ESF1: variants seen among roughly 807,000 people sequenced by gnomAD.
The protein encoded by ESF1 is ESF1 nucleolar pre-rRNA processing protein, also known as ESF1 homolog.
Under a neutral mutation model 92.0 loss-of-function variants are expected in ESF1, and 58 were observed. The observed-to-expected ratio is 0.63, with a 90% CI of 0.51 to 0.78. ESF1 has a LOEUF of 0.78. Ranked by LOEUF, ESF1 falls within the 30% of genes least tolerant of loss-of-function variation. The pLI, the probability that ESF1 is intolerant of heterozygous loss-of-function variation, is 0.00. For missense variants in ESF1, 922 were observed against 989.1 expected (o/e 0.93, Z 0.91); for synonymous variants, 321 against 313.7 (o/e 1.02, Z -0.24).
At position 13,782,538 on chromosome 20, in the gene ESF1, G is replaced by T; in HGVS notation, c.603C>A (p.Ile201=). 1.3e-6 allele frequency: 2 copies of T among 1,555,616 alleles called. No individual in the cohort carries two copies. Among genetic ancestry groups the T allele is most frequent in the South Asian group, 2.5e-5 (2 of 78,926 alleles). ...GTSEIVKSPR[I]ECSKTRREMQ... ...TTTCTCTTCTTGTCTTAGAACACTC[G>T]ATTCTGGGAGATTTCACAATTTCAG... Residue 201 remains isoleucine, a synonymous_variant, in exon 2 of 14, where the codon ATC becomes ATA. Transcript: ENST00000617257.
chr20:13,748,226 G>C (rs1429831169), intron 9 of ESF1, among the ~76,000 whole-genome samples: 1 of 151,944 alleles, frequency 6.6e-6, no homozygotes, highest in Non-Finnish European at 1.5e-5. Flanking sequence ...CAGTTCTTCT[G>C]TCTCCTAGTT....
chr20:13,746,536 G>T (rs1207230468), intron 9 of ESF1, among the ~76,000 whole-genome samples: 3 of 152,076 alleles, frequency 2.0e-5, no homozygotes, highest in Non-Finnish European at 4.4e-5. Context: ...AACTGTTAAT[G>T]CTATCCCAAA....
At chr20:13,757,399 T>C (rs894889386) in intron 9 of ESF1, among the ~76,000 whole-genome samples, 9 of 152,124 alleles carry the variant, frequency 5.9e-5, no homozygotes, top group African/African-American at 1.9e-4. Context: ...TACTATGTTT[T>C]GTTTGTTTGT....
At position 13,771,461 on chromosome 20, in the gene ESF1, C is replaced by A. The variant is rs754370545; in HGVS notation, c.1273G>T (p.Asp425Tyr). The A allele has an allele frequency of 2.5e-6, 4 of 1,612,814 alleles. No individual in the cohort carries two copies. Among genetic ancestry groups the A allele is most frequent in the Non-Finnish European group, 3.4e-6 (4 of 1,179,336 alleles). The change falls in exon 6 of 14, where the codon GAT (aspartate) becomes TAT (tyrosine). Residue 425 changes from aspartate to tyrosine, a missense_variant. By Grantham distance (160) the Asp-to-Tyr change is radical (BLOSUM62 -3). Coordinates refer to ENST00000617257, the MANE Select transcript of ESF1 (RefSeq NM_001276380.2). ...TACTTCAGTCGTTTGAATTGATAAT[C>A]TCTCAATTTTTCTCTAGACGTCCTA... ...KDWTSREKLR[D>Y]YQFKRLKYYY...
At chr20:13,718,148 C>T (rs913171519) in intron 12 of ESF1, among the ~76,000 whole-genome samples, 8 of 152,178 alleles carry the variant, frequency 5.3e-5, no homozygotes, top group Non-Finnish European at 1.2e-4. Context: ...ACAGAGTATG[C>T]TCTCGACCTT....
rs368606208 is a variant in ESF1, at chr20:13,775,291, A to T, written c.1036-21T>A. On this transcript the variant is annotated intron_variant, in intron 3 of 13. Coordinates refer to ENST00000617257, the MANE Select transcript of ESF1 (RefSeq NM_001276380.2). Reference sequence around the variant, plus strand: ...GTAATCTGAGAAATGAGAAGAATTAAATAGTACATAATCCATATCATTCTC... The same window carrying T: ...GTAATCTGAGAAATGAGAAGAATTATATAGTACATAATCCATATCATTCTC... 9.3e-6 allele frequency: 13 copies of T among 1,393,562 alleles called. No homozygotes were observed. The African/African-American group carries it at 1.9e-4, about 20-fold the overall frequency. 86.3% of individuals were successfully genotyped at this position (1,393,562 alleles called of 1,614,324 possible). A position where few individuals can be genotyped will look rare whatever the true frequency, so the allele number is the denominator to read the frequency against.
chr20:13,770,878 T>G (rs1487968705), intron 6 of ESF1, among the ~76,000 whole-genome samples: 1 of 152,230 alleles, frequency 6.6e-6, no homozygotes, highest in South Asian at 2.1e-4. Context: ...GAACAATTAT[T>G]TGAAATATGA....
intron 11 of ESF1, among the ~76,000 whole-genome samples, chr20:13,728,127 T>A: frequency 6.6e-6 from 1 of 152,126 alleles, no homozygotes; most frequent in East Asian, 1.9e-4. Context: ...CAGAAAGGAA[T>A]CCCCAGTAAA....
chr20:13,741,703 CT>C (rs2147741079), intron 9 of ESF1, among the ~76,000 whole-genome samples: 1 of 152,266 alleles, frequency 6.6e-6, no homozygotes, highest in African/African-American at 2.4e-5. Context: ...AGGGAACATT[CT>C]TCTCATCTGG....
At chr20:13,784,614 A>C (rs1358205076) in intron 1 of ESF1, among the ~76,000 whole-genome samples, 1 of 152,114 alleles carries the variant, frequency 6.6e-6, no homozygotes, top group Non-Finnish European at 1.5e-5. Context: ...AATTCGGAGA[A>C]CACAGGGCTG....
In ESF1 at chr20:13,717,391, C is replaced by G; in HGVS notation, c.2239G>C (p.Glu747Gln). 6.2e-7 allele frequency: 1 copy of G among 1,614,116 alleles called. No individual in the cohort carries two copies. The highest frequency in any genetic ancestry group is 1.1e-5 in the South Asian group (1 of 91,070). Residue 747 changes from glutamate (E) to glutamine (Q), a missense_variant, in exon 13 of 14, where the codon GAA (glutamate) becomes CAA (glutamine). Glu to Gln is a conservative substitution (Grantham distance 29, BLOSUM62 2). Transcript: ENST00000617257. ...KKKKQLMKKK[E>Q]LIEDDFEVNV... Reference sequence around the variant, plus strand: ...ACCTCAAAGTCATCCTCTATTAATTCCTTCTTTTTCATGAGCTGCTTTTTC... The same window carrying G: ...ACCTCAAAGTCATCCTCTATTAATTGCTTCTTTTTCATGAGCTGCTTTTTC...
At chr20:13,756,136 C>T (rs924150239) in intron 9 of ESF1, among the ~76,000 whole-genome samples, 1 of 152,126 alleles carries the variant, frequency 6.6e-6, no homozygotes, top group African/African-American at 2.4e-5. Flanking sequence ...TAGTTTATAA[C>T]GTTTGTAAGT....
intron 11 of ESF1, among the ~76,000 whole-genome samples, chr20:13,720,813 A>C (rs932550783): frequency 2.0e-5 from 3 of 152,236 alleles, no homozygotes; most frequent in Non-Finnish European, 4.4e-5. Context: ...TCAATGTATA[A>C]ATTTTCATAA....
In ESF1 at chr20:13,722,650, G is replaced by C. The variant is rs527292764; in HGVS notation, c.2039-3666C>G. 1.3e-3 allele frequency among the ~76,000 whole-genome samples: 190 copies of C among 151,978 alleles called. 2 individuals carry two copies. The highest frequency in any genetic ancestry group is 0.01 in the Middle Eastern group (3 of 294). ...AGATTGCTTGAAGCCAGGAGTTTGA[G>C]ACCAGCCTGAGCAACAAAGCAAGAC... On this transcript the variant is annotated intron_variant, in intron 11 of 13. Transcript: ENST00000617257.
chr20:13,734,832 G>C (rs2049966016), intron 9 of ESF1, among the ~76,000 whole-genome samples: 1 of 152,042 alleles, frequency 6.6e-6, no homozygotes, highest in Non-Finnish European at 1.5e-5. Flanking sequence ...TTCTAAGAAA[G>C]TAGAAACGAT....
chr20:13,772,643 A>G (rs955420676), intron 4 of ESF1, 28 bp from the exon 5 acceptor site: 16 of 1,472,182 alleles, frequency 1.1e-5, no homozygotes, highest in Non-Finnish European at 1.3e-5. Flanking sequence ...GGATCAATGT[A>G]ATTTGTACAT....
intron 9 of ESF1, among the ~76,000 whole-genome samples, chr20:13,740,387 G>A (rs1265098166): frequency 6.6e-6 from 1 of 151,640 alleles, no homozygotes; most frequent in Admixed American, 6.6e-5. Context: ...AAAAGGATAA[G>A]ACTAGAAAAA....
intron 9 of ESF1, among the ~76,000 whole-genome samples, chr20:13,751,278 G>C (rs901368960): frequency 6.6e-6 from 1 of 152,196 alleles, no homozygotes; most frequent in Admixed American, 6.5e-5. Context: ...ATAGAATAGC[G>C]AAAGTTTTGC....
chr20:13,753,863 C>T lies in ESF1; in HGVS notation c.1828+5829G>A, dbSNP rs1353620931. The stretch of plus-strand genomic sequence containing the variant: ...TGAATTTTTGCAATCAAACTTTGAG[C>T]AGTAGGATATAAATAACTTCCACAT... On this transcript the variant is annotated intron_variant, in intron 9 of 13. Transcript: ENST00000617257. 2.0e-5 allele frequency among the ~76,000 whole-genome samples: 3 copies of T among 152,178 alleles called. No homozygotes were observed. In the East Asian group the frequency reaches 5.8e-4, roughly 29 times the overall value.
Sources: gnomAD v4.1 joint callset for allele counts (sites outside exome capture counted in the v4.1 genomes callset) on GRCh38, gnomAD v4.1.1 for gene constraint, MANE v1.5 for transcripts, NCBI Gene and HGNC (gene_info 2026-07-23, HGNC 2026-07-21) for gene names.